LRGUK: variants seen among roughly 807,000 people sequenced by gnomAD.
The protein encoded by LRGUK is leucine rich repeats and guanylate kinase domain containing, also known as leucine-rich repeat and guanylate kinase domain-containing protein.
Under a neutral mutation model 76.0 loss-of-function variants are expected in LRGUK, and 65 were observed. The observed-to-expected ratio is 0.85, with a 90% CI of 0.70 to 1.05. The LOEUF is 1.05. LRGUK is among the 50% of genes least tolerant of loss of function. LRGUK has a pLI of 0.00. For missense variants in LRGUK, 758 were observed against 732.8 expected, an observed-to-expected ratio of 1.03 and a Z score of -0.40; for synonymous variants, 268 against 265.6, an observed-to-expected ratio of 1.01 and a Z score of -0.09.
At chr7:134,247,762 C>G in intron 17 of LRGUK, 118 bp downstream of exon 17, 1 of 673,708 alleles carries the variant, frequency 1.5e-6, no homozygotes, top group Admixed American at 2.9e-5. Context: ...CCCAGTGTTT[C>G]AGCAGTAAAA....
At chr7:134,226,708 C>T (rs1801773146) in intron 16 of LRGUK, among the ~76,000 whole-genome samples, 1 of 152,218 alleles carries the variant, frequency 6.6e-6, no homozygotes, top group South Asian at 2.1e-4. Flanking sequence ...ATGCCATTTC[C>T]TCTTCTGTAA....
At chr7:134,139,400 A>G in intron 2 of LRGUK, 36 bp from the exon 3 acceptor site, 1 of 1,375,342 alleles carries the variant, frequency 7.3e-7, no homozygotes, top group South Asian at 1.2e-5. Flanking sequence ...AACCTGATAA[A>G]GCAACATTAA....
At position 134,174,726 on chromosome 7, in the gene LRGUK, T is replaced by C. The variant is rs1286301986; in HGVS notation, c.1020+90T>C. 5.2e-6 allele frequency: 4 copies of C among 773,736 alleles called. No individual in the cohort carries two copies. The African/African-American group carries it at 7.0e-5, about 13-fold the overall frequency. 47.9% of individuals were successfully genotyped at this position (773,736 alleles called of 1,614,324 possible). A position where few individuals can be genotyped will look rare whatever the true frequency, so the allele number is the denominator to read the frequency against. On this transcript the variant is annotated intron_variant, in intron 8 of 15. Transcript: ENST00000645682. ...CTAGGAATTCTTCAAGAAGTACTTT[T>C]GATAAAAGAATATCAGGAATGTGAA... is the stretch of plus-strand genomic sequence containing the variant.
chr7:134,201,532 T>C (rs1310942302), exon 15 of LRGUK: 1 of 1,613,906 alleles, frequency 6.2e-7, no homozygotes, highest in Non-Finnish European at 8.5e-7. Flanking sequence ...AGAGAATACC[T>C]TGGATTGACT....
At chr7:134,192,572 C>T (rs961490255) in intron 12 of LRGUK, among the ~76,000 whole-genome samples, 6 of 152,130 alleles carry the variant, frequency 3.9e-5, no homozygotes, top group African/African-American at 1.4e-4. Flanking sequence ...CTTATATGTT[C>T]CTTCTTGGCC....
chr7:134,267,893 G>A (rs550907064), downstream of LRGUK, among the ~76,000 whole-genome samples: 16 of 151,432 alleles, frequency 1.1e-4, no homozygotes, highest in East Asian at 1.2e-3. Context: ...CCAGTGTAAC[G>A]AACCTGCACA....
At chr7:134,261,297 T>C (rs982691183) in intron 19 of LRGUK, among the ~76,000 whole-genome samples, 1 of 152,192 alleles carries the variant, frequency 6.6e-6, no homozygotes, top group Non-Finnish European at 1.5e-5. Flanking sequence ...GTTGATTTTT[T>C]TTTTTACATA....
chr7:134,199,159 C>T, intron 13 of LRGUK, 61 bp from the exon 14 acceptor site: 1 of 1,414,322 alleles, frequency 7.1e-7, no homozygotes, highest in African/African-American at 1.4e-5. Flanking sequence ...TCAGATGGCT[C>T]CAAAATGATT....
At chr7:134,158,728 C>T (rs1036489569) in intron 6 of LRGUK, among the ~76,000 whole-genome samples, 1 of 152,122 alleles carries the variant, frequency 6.6e-6, no homozygotes, top group Non-Finnish European at 1.5e-5. Context: ...AGCACTCTTT[C>T]GAAGCTGTGT....
chr7:134,215,488 T>C (rs556829266), intron 15 of LRGUK, among the ~76,000 whole-genome samples: 1 of 152,304 alleles, frequency 6.6e-6, no homozygotes, highest in South Asian at 2.1e-4. Context: ...TCATTTATGC[T>C]GAATTCTTCT....
chr7:134,163,300 T>A (rs1798829926), intron 6 of LRGUK, 97 bp from the exon 7 acceptor site: 2 of 1,096,622 alleles, frequency 1.8e-6, no homozygotes, highest in Admixed American at 2.2e-5. Flanking sequence ...TGATTTTTTT[T>A]AGAGAGATTT....
chr7:134,130,387 T>G (rs999878129), intron 1 of LRGUK, among the ~76,000 whole-genome samples: 1 of 152,168 alleles, frequency 6.6e-6, no homozygotes, highest in African/African-American at 2.4e-5. Flanking sequence ...AGCACCATTG[T>G]TAATCTGTCT....
At chr7:134,181,014 A>T (rs952709654) in intron 10 of LRGUK, among the ~76,000 whole-genome samples, 1 of 152,166 alleles carries the variant, frequency 6.6e-6, no homozygotes, top group Non-Finnish European at 1.5e-5. Flanking sequence ...GTGTTGTACT[A>T]TATTTATATT....
chr7:134,226,840 A>C (rs948677381), intron 16 of LRGUK, among the ~76,000 whole-genome samples: 3 of 152,220 alleles, frequency 2.0e-5, no homozygotes, highest in Non-Finnish European at 4.4e-5. Context: ...GATGGTAGGC[A>C]GGGAGTGAGG....
At chr7:134,223,292 G>A (rs1801650074) in intron 16 of LRGUK, among the ~76,000 whole-genome samples, 3 of 152,114 alleles carry the variant, frequency 2.0e-5, no homozygotes, top group South Asian at 4.1e-4. Flanking sequence ...TCAAGTCGCT[G>A]AAGGCAGGAG....
intron 16 of LRGUK, among the ~76,000 whole-genome samples, chr7:134,228,761 A>C (rs186372031): frequency 1.2e-4 from 18 of 152,288 alleles, no homozygotes; most frequent in Admixed American, 1.2e-3. Flanking sequence ...AAGTCTAGGA[A>C]GAGGGTAAAT....
the LRGUK span, among the ~76,000 whole-genome samples, chr7:134,272,055 G>A: frequency 6.6e-6 from 1 of 151,944 alleles, no homozygotes; most frequent in South Asian, 2.1e-4. Context: ...TCAATACAAT[G>A]TTGAATAGAA....
At chr7:134,262,229 C>T (rs1244643852) in intron 19 of LRGUK, among the ~76,000 whole-genome samples, 1 of 151,998 alleles carries the variant, frequency 6.6e-6, no homozygotes, top group Non-Finnish European at 1.5e-5. Context: ...CAAAAAGTAG[C>T]TGAGTGTGTT....
At chr7:134,226,630 C>T (rs905267663) in intron 16 of LRGUK, among the ~76,000 whole-genome samples, 4 of 152,162 alleles carry the variant, frequency 2.6e-5, no homozygotes, top group Admixed American at 1.3e-4. Context: ...AATGCGCTAA[C>T]TTTTGAATAA....
Sources: gnomAD v4.1 joint callset for allele counts (sites outside exome capture counted in the v4.1 genomes callset) on GRCh38, gnomAD v4.1.1 for gene constraint, MANE v1.5 for transcripts, NCBI Gene and HGNC (gene_info 2026-07-23, HGNC 2026-07-21) for gene names.